The following MAP7 variants were observed in gnomAD, a reference collection of about 807,000 sequenced individuals.
MAP7 encodes the protein microtubule associated protein 7, also known as ensconsin.
In MAP7, 52 loss-of-function variants were observed where a neutral mutation model predicts 94.8. The ratio of observed to expected loss-of-function variants is 0.55; its 90% CI spans 0.44 to 0.69. MAP7 has a LOEUF of 0.69. Ranked by LOEUF, MAP7 falls within the 30% of genes least tolerant of loss-of-function variation. MAP7 has a pLI of 0.00. For missense variants in MAP7, 940 were observed against 964.6 expected, an observed-to-expected ratio of 0.97 and a Z score of 0.34; for synonymous variants, 350 against 357.0, an observed-to-expected ratio of 0.98 and a Z score of 0.22.
chr6:136,380,999 G>C (rs984507711), intron 6 of MAP7, among the ~76,000 whole-genome samples: 2 of 152,236 alleles, frequency 1.3e-5, no homozygotes, highest in Non-Finnish European at 2.9e-5. Context: ...TATGCCTTAG[G>C]ACTGAGAAAG....
At chr6:136,480,397 G>C (rs1282795057) in intron 1 of MAP7, among the ~76,000 whole-genome samples, 1 of 151,986 alleles carries the variant, frequency 6.6e-6, no homozygotes, top group Non-Finnish European at 1.5e-5. Context: ...ACTACTAAAA[G>C]AAAATATTGG....
intron 1 of MAP7, among the ~76,000 whole-genome samples, chr6:136,515,958 G>A (rs1824685903): frequency 6.6e-6 from 1 of 152,052 alleles, no homozygotes; most frequent in Non-Finnish European, 1.5e-5. Context: ...ATAAAAGAAA[G>A]TACGTGCATA....
chr6:136,526,123 CAGAT>C, intron 1 of MAP7: 3 of 1,341,522 alleles, frequency 2.2e-6, no homozygotes, highest in South Asian at 2.0e-5. Flanking sequence ...AAACAGCTGA[CAGAT>C]AGTACCAGCC....
chr6:136,377,975 G>GC, intron 6 of MAP7, 107 bp from the exon 7 acceptor site: 1 of 717,664 alleles, frequency 1.4e-6, no homozygotes, highest in Non-Finnish European at 2.4e-6. Context: ...CACAGGACCA[G>GC]GCTCTGCAGG....
chr6:136,547,786 C>T (rs1398646980), intron 1 of MAP7, among the ~76,000 whole-genome samples: 1 of 151,948 alleles, frequency 6.6e-6, no homozygotes, highest in Non-Finnish European at 1.5e-5. Flanking sequence ...TTTCATAGGC[C>T]ACACGCCACC....
intron 1 of MAP7, among the ~76,000 whole-genome samples, chr6:136,530,981 G>A (rs1036383383): frequency 6.9e-6 from 1 of 144,460 alleles, no homozygotes; most frequent in Non-Finnish European, 1.5e-5. Context: ...AATTTCAAAC[G>A]CTAGGGATTC....
At chr6:136,465,355 C>T in intron 1 of MAP7, among the ~76,000 whole-genome samples, 1 of 152,182 alleles carries the variant, frequency 6.6e-6, no homozygotes, top group Non-Finnish European at 1.5e-5. Flanking sequence ...TGAGTAACCT[C>T]TATTTCATCT....
intron 2 of MAP7, chr6:136,419,965 T>G (rs1178671707): frequency 2.9e-6 from 2 of 681,970 alleles, no homozygotes; most frequent in Admixed American, 2.1e-5. Flanking sequence ...GGTTTCTGAG[T>G]GTCTGGTTAC....
intron 1 of MAP7, among the ~76,000 whole-genome samples, chr6:136,545,904 T>TA (rs1434199229): frequency 2.0e-5 from 3 of 152,248 alleles, no homozygotes; most frequent in African/African-American, 4.8e-5. Flanking sequence ...TCCTTTGTGT[T>TA]ACAAACAATC....
chr6:136,353,482 C>T (rs1245152231), intron 16 of MAP7, among the ~76,000 whole-genome samples: 3 of 152,180 alleles, frequency 2.0e-5, no homozygotes, highest in East Asian at 3.9e-4. Context: ...CAATCAGTAC[C>T]ATATGTATAT....
chr6:136,442,020 A>G (rs1451397278), intron 1 of MAP7, among the ~76,000 whole-genome samples: 1 of 152,000 alleles, frequency 6.6e-6, no homozygotes, highest in African/African-American at 2.4e-5. Context: ...CTCAACAACA[A>G]CAACAGTAAC....
chr6:136,550,217 TC>T lies in MAP7; in HGVS notation c.67+124del. The T allele has an allele frequency of 2.5e-6, 2 of 804,122 alleles. No homozygotes were observed. Among genetic ancestry groups the T allele is most frequent in the Non-Finnish European group, 3.3e-6 (2 of 605,028 alleles). The allele number at this position is 804,122 out of a possible 1,614,324, so 49.8% of individuals were successfully genotyped here. On this transcript the variant is annotated intron_variant, in intron 1 of 17. Coordinates refer to ENST00000354570, the MANE Select transcript of MAP7 (RefSeq NM_003980.6). The surrounding 1 kb of genome is among the most constrained non-coding windows in gnomAD (Gnocchi z 5.1). The stretch of plus-strand genomic sequence containing the variant: ...GTGCGCGGCGCGCAGGGCCGGTTGT[TC>T]CGGGCCGCGGCCGCGCGGGCGGGGA...
intron 3 of MAP7, among the ~76,000 whole-genome samples, chr6:136,399,538 G>A (rs1582796566): frequency 6.6e-6 from 1 of 151,692 alleles, no homozygotes; most frequent in African/African-American, 2.4e-5. Flanking sequence ...ATTCCTTGTA[G>A]AGACAGAGTC....
chr6:136,389,622 T>A lies in MAP7; in HGVS notation c.245-105A>T, dbSNP rs1197071167. 4 of 1,026,402 alleles carry A rather than the reference T, an allele frequency of 3.9e-6. No homozygotes were observed. The African/African-American group carries it at 6.6e-5, about 17-fold the overall frequency. The allele number at this position is 1,026,402 out of a possible 1,614,324, so 63.6% of individuals were successfully genotyped here. On this transcript the variant is annotated intron_variant, in intron 3 of 17. Transcript: ENST00000354570. ...TTAAGTGGTCTACAATGAACAAATA[T>A]GGGTTCTTTAGTTTTGTATTAACCA...
At chr6:136,409,063 T>G (rs1786533856) in intron 3 of MAP7, among the ~76,000 whole-genome samples, 1 of 150,670 alleles carries the variant, frequency 6.6e-6, no homozygotes, top group African/African-American at 2.4e-5. Flanking sequence ...AAAAAAAAAA[T>G]AGGCAAAAAG....
chr6:136,449,107 G>A (rs1242432940), intron 1 of MAP7, among the ~76,000 whole-genome samples: 2 of 151,648 alleles, frequency 1.3e-5, no homozygotes, highest in Non-Finnish European at 2.9e-5. Flanking sequence ...AGGAGATCGA[G>A]ACCACGGTGA....
chr6:136,406,121 A>G (rs1210267657), intron 3 of MAP7, among the ~76,000 whole-genome samples: 2 of 152,158 alleles, frequency 1.3e-5, no homozygotes, highest in Non-Finnish European at 2.9e-5. Flanking sequence ...CATAAATTCT[A>G]TATACTCTGG....
chr6:136,543,511 A>C (rs1317463364), intron 1 of MAP7, among the ~76,000 whole-genome samples: 2 of 152,150 alleles, frequency 1.3e-5, no homozygotes, highest in Non-Finnish European at 2.9e-5. Flanking sequence ...TTAGCCGGGC[A>C]TGGTGGCACA....
At chr6:136,403,291 G>A (rs145757988) in intron 3 of MAP7, among the ~76,000 whole-genome samples, 10 of 152,280 alleles carry the variant, frequency 6.6e-5, no homozygotes, top group Middle Eastern at 3.4e-3. Flanking sequence ...GTGAGATGTC[G>A]TCAGCTCTTG....
Sources: allele counts gnomAD v4.1 joint callset (sites outside exome capture counted in the v4.1 genomes callset), GRCh38; gene constraint gnomAD v4.1.1; non-coding constraint Gnocchi (gnomAD v3.1); transcripts MANE v1.5; gene names NCBI Gene and HGNC (gene_info 2026-07-23, HGNC 2026-07-21).